The following ADAMTS3 variants were observed in gnomAD, a reference collection of about 807,000 sequenced individuals.
The protein encoded by ADAMTS3 is A disintegrin and metalloproteinase with thrombospondin motifs 3.
ADAMTS3 carries 73 observed loss-of-function variants against 129.0 expected under a neutral mutation model. The ratio of observed to expected loss-of-function variants is 0.57; its 90% CI spans 0.47 to 0.69. The LOEUF is 0.69. ADAMTS3 is among the 30% of genes least tolerant of loss of function. ADAMTS3 has a pLI of 0.00. For missense variants in ADAMTS3, 1,457 were observed against 1,514.5 expected (o/e 0.96, Z 0.63); for synonymous variants, 477 against 510.8 (o/e 0.93, Z 0.89).
intron 4 of ADAMTS3, among the ~76,000 whole-genome samples, chr4:72,383,876 T>C (rs996548083): frequency 1.3e-5 from 2 of 152,074 alleles, no homozygotes; most frequent in Non-Finnish European, 2.9e-5. Context: ...GAATCAGATG[T>C]TAGAATTAGG....
chr4:72,519,589 C>T (rs1254822298), intron 3 of ADAMTS3, among the ~76,000 whole-genome samples: 1 of 152,164 alleles, frequency 6.6e-6, no homozygotes, highest in African/African-American at 2.4e-5. Flanking sequence ...TGATTCATTT[C>T]ATCTTCCGTC....
intron 3 of ADAMTS3, among the ~76,000 whole-genome samples, chr4:72,417,735 C>A (rs1438937562): frequency 6.6e-6 from 1 of 151,666 alleles, no homozygotes; most frequent in Admixed American, 6.6e-5. Flanking sequence ...TCAAGACCAT[C>A]CTGGCTAACA....
chr4:72,409,987 T>TCTAG (rs1323228267), intron 4 of ADAMTS3, among the ~76,000 whole-genome samples: 1 of 151,902 alleles, frequency 6.6e-6, no homozygotes, highest in Non-Finnish European at 1.5e-5. Context: ...TGCTACTTGA[T>TCTAG]CTTAGTAATT....
At chr4:72,373,899 AAATAATAATAATAATAAT>A (rs58311705) in intron 4 of ADAMTS3, among the ~76,000 whole-genome samples, 6,514 of 141,066 alleles carry the variant, frequency 0.046, 283 homozygotes, top group East Asian at 0.16. Context: ...CCCCATCTCA[AAATAATAATAATAATAAT>A]AATAATAATA....
intron 4 of ADAMTS3, among the ~76,000 whole-genome samples, chr4:72,374,603 C>T (rs1258005828): frequency 2.0e-5 from 3 of 152,168 alleles, no homozygotes; most frequent in South Asian, 4.1e-4. Context: ...TTTTTCCTTA[C>T]ACTAAATTTT....
intron 3 of ADAMTS3, among the ~76,000 whole-genome samples, chr4:72,511,310 CA>C (rs1720308733): frequency 6.6e-6 from 1 of 151,944 alleles, no homozygotes; most frequent in Admixed American, 6.6e-5. Context: ...TTCTGCACAG[CA>C]AAGTGAAAAG....
intron 16 of ADAMTS3, among the ~76,000 whole-genome samples, chr4:72,304,744 ATTTG>A (rs1201244418): frequency 2.6e-5 from 4 of 151,990 alleles, no homozygotes; most frequent in Non-Finnish European, 5.9e-5. Flanking sequence ...TAAATTTTAG[ATTTG>A]TTTATCAGCA....
At chr4:72,321,422 A>G (rs1443617236) in intron 6 of ADAMTS3, among the ~76,000 whole-genome samples, 18 of 151,808 alleles carry the variant, frequency 1.2e-4, no homozygotes, top group Admixed American at 1.2e-3. Flanking sequence ...ACCTCAAATG[A>G]TCTTCCTGCC....
chr4:72,507,089 A>C (rs1460833599), intron 3 of ADAMTS3, among the ~76,000 whole-genome samples: 1 of 152,228 alleles, frequency 6.6e-6, no homozygotes, highest in African/African-American at 2.4e-5. Context: ...GCAGTATATA[A>C]AATATGTATG....
At chr4:72,473,345 C>A (rs1023165851) in intron 3 of ADAMTS3, among the ~76,000 whole-genome samples, 1 of 151,850 alleles carries the variant, frequency 6.6e-6, no homozygotes, top group Non-Finnish European at 1.5e-5. Flanking sequence ...CTTCTTTTAT[C>A]CCAGATTTGC....
intron 1 of ADAMTS3, 67 bp from the exon 2 acceptor site, chr4:72,567,468 T>C: frequency 6.7e-7 from 1 of 1,501,360 alleles, no homozygotes. Context: ...TTGTGAGTTT[T>C]ATTTCTACCA....
At chr4:72,564,131 A>C (rs1721969465) in intron 2 of ADAMTS3, among the ~76,000 whole-genome samples, 1 of 152,184 alleles carries the variant, frequency 6.6e-6, no homozygotes, top group Admixed American at 6.5e-5. Context: ...AAGAGGAATC[A>C]GGAGATGGAA....
chr4:72,383,019 T>A (rs1721335081), intron 4 of ADAMTS3, among the ~76,000 whole-genome samples: 1 of 152,156 alleles, frequency 6.6e-6, no homozygotes, highest in South Asian at 2.1e-4. Context: ...ACCCCCTGAA[T>A]TTATAATAAA....
chr4:72,510,283 C>T (rs1244304354), intron 3 of ADAMTS3, among the ~76,000 whole-genome samples: 1 of 151,700 alleles, frequency 6.6e-6, no homozygotes, highest in East Asian at 1.9e-4. Context: ...AGCAATCAGA[C>T]AAGAGAATGA....
At chr4:72,331,213 A>G (rs1434566) in intron 5 of ADAMTS3, among the ~76,000 whole-genome samples, 3,995 of 152,218 alleles carry the variant, frequency 0.026, 176 homozygotes, top group African/African-American at 0.091. Flanking sequence ...ATAGGTCAGG[A>G]TATTCCTGGG....
chr4:72,402,304 A>G (rs1470161561), intron 4 of ADAMTS3, among the ~76,000 whole-genome samples: 1 of 152,186 alleles, frequency 6.6e-6, no homozygotes, highest in Non-Finnish European at 1.5e-5. Context: ...TATAATGCGA[A>G]TTGCACAATG....
intron 3 of ADAMTS3, among the ~76,000 whole-genome samples, chr4:72,436,101 C>G (rs1435765343): frequency 6.6e-6 from 1 of 151,782 alleles, no homozygotes. Flanking sequence ...TGCAATCTAC[C>G]CATCTGACAA....
intron 17 of ADAMTS3, among the ~76,000 whole-genome samples, chr4:72,302,832 TG>T (rs1458266812): frequency 6.6e-6 from 1 of 152,146 alleles, no homozygotes; most frequent in African/African-American, 2.4e-5. Context: ...TCTTCATAAA[TG>T]ATGGATTCTG....
intron 3 of ADAMTS3, among the ~76,000 whole-genome samples, chr4:72,476,144 T>A (rs1047852298): frequency 6.6e-6 from 1 of 150,990 alleles, no homozygotes; most frequent in Non-Finnish European, 1.5e-5. Flanking sequence ...AATCAATAAA[T>A]CAAAAAAGAA....
Sources: gnomAD v4.1 joint callset for allele counts (sites outside exome capture counted in the v4.1 genomes callset) on GRCh38, gnomAD v4.1.1 for gene constraint, MANE v1.5 for transcripts, NCBI Gene and HGNC (gene_info 2026-07-23, HGNC 2026-07-21) for gene names.